The following ANKRD36 variants were observed in gnomAD, a reference collection of about 807,000 sequenced individuals.
ANKRD36 encodes the protein ankyrin repeat domain-containing protein 36A.
ANKRD36 carries 179 observed loss-of-function variants against 278.1 expected under a neutral mutation model. The ratio of observed to expected loss-of-function variants is 0.64; its 90% confidence interval spans 0.57 to 0.73. The LOEUF is 0.73. Among genes scored for constraint, ANKRD36 ranks in the 30% least tolerant of loss-of-function variants. ANKRD36 has a pLI of 0.00. For missense variants in ANKRD36, 1,159 were observed against 1,956.7 expected, an observed-to-expected ratio of 0.59 and a Z score of 7.69; for synonymous variants, 320 against 641.1, an observed-to-expected ratio of 0.50 and a Z score of 7.57.
Position 97,217,340 on chromosome 2 carries a change from C to G in ANKRD36, c.3743C>G (p.Thr1248Arg). ...KKKVSLLNIATRITGGWKSGT... is the reference protein window; with the variant it reads ...KKKVSLLNIARRITGGWKSGT... ...AAAGTTTCTCTTTTGAATATTGCCA[C>G]AAGAATAACAGGCGGTTGGAAATCT... The change falls in exon 64 of 76, where the codon ACA becomes AGA. Residue 1248 changes from threonine to arginine, a missense_variant. Transcript: ENST00000420699. The G allele has an allele frequency of 1.3e-6, 2 of 1,551,458 alleles. No homozygotes were observed. The highest frequency in any genetic ancestry group is 1.7e-6 in the Non-Finnish European group (2 of 1,148,572).
intron 5 of ANKRD36, among the ~76,000 whole-genome samples, chr2:97,124,900 T>C (rs1179756964): frequency 6.6e-6 from 1 of 151,920 alleles, no homozygotes; most frequent in Non-Finnish European, 1.5e-5. Context: ...ATAACCCCTA[T>C]GCATAGGGTA....
intron 15 of ANKRD36, 151 bp from the exon 16 acceptor site, chr2:97,157,956 T>C (rs929515351): frequency 3.0e-6 from 2 of 656,086 alleles, no homozygotes; most frequent in African/African-American, 3.7e-5. Flanking sequence ...CATGTGAATA[T>C]GTAGATAAGT....
chr2:97,200,149 G>A (rs1178734882), intron 44 of ANKRD36, among the ~76,000 whole-genome samples, 185 bp from the exon 45 acceptor site: 1 of 151,866 alleles, frequency 6.6e-6, no homozygotes, highest in Non-Finnish European at 1.5e-5. Context: ...GTATTTCACA[G>A]AGCCTGTGTT....
At chr2:97,208,544 C>G (rs866521249) in intron 54 of ANKRD36, among the ~76,000 whole-genome samples, 1 of 146,142 alleles carries the variant, frequency 6.8e-6, no homozygotes, top group African/African-American at 2.7e-5. Flanking sequence ...AGTGAACTCA[C>G]TTCAGATGCA....
chr2:97,210,438 A>T (rs2064128138), intron 56 of ANKRD36, among the ~76,000 whole-genome samples: 1 of 151,882 alleles, frequency 6.6e-6, no homozygotes, highest in Admixed American at 6.6e-5. Flanking sequence ...TATTTTCATT[A>T]AAAAATTTGA....
At chr2:97,154,181 A>G (rs1440723699) in intron 14 of ANKRD36, among the ~76,000 whole-genome samples, 1 of 146,334 alleles carries the variant, frequency 6.8e-6, no homozygotes, top group East Asian at 2.0e-4. Flanking sequence ...CATGCTGAAG[A>G]TCTAAGACTC....
chr2:97,242,380 C>T (rs1327602606), intron 69 of ANKRD36, among the ~76,000 whole-genome samples: 5 of 151,568 alleles, frequency 3.3e-5, no homozygotes, highest in African/African-American at 1.2e-4. Flanking sequence ...GCTTATTCAA[C>T]ATCTCTCTGC....
intron 11 of ANKRD36, 31 bp downstream of exon 11, chr2:97,146,547 T>C (rs2044307520): frequency 6.7e-7 from 1 of 1,485,630 alleles, no homozygotes; most frequent in African/African-American, 1.4e-5. Flanking sequence ...TAAAGTGATA[T>C]GTTAACTTAG....
intron 20 of ANKRD36, among the ~76,000 whole-genome samples, chr2:97,167,003 A>G (rs1394105163): frequency 6.6e-6 from 1 of 151,894 alleles, no homozygotes; most frequent in Non-Finnish European, 1.5e-5. Flanking sequence ...TGATGTTTCA[A>G]ATATTTTGGT....
At chr2:97,171,819 A>G (rs2052640544) in intron 22 of ANKRD36, among the ~76,000 whole-genome samples, 1 of 152,016 alleles carries the variant, frequency 6.6e-6, no homozygotes, top group African/African-American at 2.4e-5. Flanking sequence ...TAACCCTAGA[A>G]GAAAATCTAG....
At chr2:97,183,383 G>A in intron 26 of ANKRD36, 76 bp from the exon 27 acceptor site, 6 of 1,461,436 alleles carry the variant, frequency 4.1e-6, no homozygotes, top group Non-Finnish European at 5.5e-6. Flanking sequence ...ACAGCTTGAT[G>A]CTAACACTGC....
At chr2:97,202,743 C>T (rs2061738072) in intron 48 of ANKRD36, among the ~76,000 whole-genome samples, 1 of 151,768 alleles carries the variant, frequency 6.6e-6, no homozygotes. Context: ...ACAGACGTCA[C>T]ATCGTACTGC....
At chr2:97,234,892 T>C (rs1338431181) in intron 68 of ANKRD36, among the ~76,000 whole-genome samples, 12 of 132,468 alleles carry the variant, frequency 9.1e-5, no homozygotes, top group Non-Finnish European at 1.7e-4. Flanking sequence ...TGAATTTTAA[T>C]AATTCTGTAT....
At position 97,113,477 on chromosome 2, in the gene ANKRD36, A is replaced by C. The variant is rs1288100899; in HGVS notation, c.-263A>C. On this transcript the variant is annotated 5_prime_UTR_variant, in exon 1 of 76. Transcript: ENST00000420699. ...CCCCGCCCTCCCGCGGCACCTCCGC[A>C]GCAACCGCCGCCTGCACTGGGCGCG... The C allele has an allele frequency of 6.3e-5, 32 of 507,720 alleles. 1 individual carries two copies. The highest frequency in any genetic ancestry group is 1.0e-3 in the Middle Eastern group (2 of 1,924). The allele number at this position is 507,720 out of a possible 1,614,324, so 31.5% of individuals were successfully genotyped here.
At position 97,159,395 on chromosome 2, in the gene ANKRD36, T is replaced by A. The variant is rs534207822; in HGVS notation, c.1389+740T>A. On this transcript the variant is annotated intron_variant, in intron 17 of 75. Coordinates refer to ENST00000420699, the MANE Select transcript of ANKRD36 (RefSeq NM_001354587.1). ...TAGATTATATAGATGGATCAAATCA[T>A]CACACGTACACTGAAAATATATGCA... Among the ~76,000 whole-genome samples the A allele has an allele frequency of 2.0e-3, 297 of 152,196 alleles. 1 individual carries two copies. Among genetic ancestry groups the A allele is most frequent in the Non-Finnish European group, 3.6e-3 (245 of 68,004 alleles).
Position 97,208,901 on chromosome 2 carries a change from G to C in ANKRD36, c.3266-780G>C, listed in dbSNP as rs188278858. On this transcript the variant is annotated intron_variant, in intron 54 of 75. Coordinates refer to ENST00000420699, the MANE Select transcript of ANKRD36 (RefSeq NM_001354587.1). The stretch of plus-strand genomic sequence containing the variant: ...ATAGTCATTTTCAATGAATATTGCA[G>C]TGATTTCTGAATGAAAAGCTGATTA... Among the ~76,000 whole-genome samples the C allele has an allele frequency of 2.7e-5, 4 of 146,832 alleles. 1 individual carries two copies. In the East Asian group the frequency reaches 7.9e-4, roughly 29 times the overall value.
intron 28 of ANKRD36, 99 bp from the exon 29 acceptor site, chr2:97,185,217 C>T (rs1203172336): frequency 1.4e-6 from 2 of 1,470,568 alleles, no homozygotes; most frequent in Non-Finnish European, 9.4e-7. Flanking sequence ...TATACTAATA[C>T]AGGCAGGAGC....
At chr2:97,182,815 C>G (rs1013283824) in intron 26 of ANKRD36, among the ~76,000 whole-genome samples, 1 of 151,486 alleles carries the variant, frequency 6.6e-6, no homozygotes, top group African/African-American at 2.4e-5. Context: ...GGATGAAGAA[C>G]CTTTCTGTAG....
intron 54 of ANKRD36, among the ~76,000 whole-genome samples, chr2:97,209,422 T>C (rs1184898292): frequency 6.8e-6 from 1 of 146,618 alleles, no homozygotes; most frequent in South Asian, 2.1e-4. Flanking sequence ...CACATTGAGA[T>C]TGACACGGTT....
Sources: gnomAD v4.1 joint callset for allele counts (sites outside exome capture counted in the v4.1 genomes callset) on GRCh38, gnomAD v4.1.1 for gene constraint, MANE v1.5 for transcripts, NCBI Gene and HGNC (gene_info 2026-07-23, HGNC 2026-07-21) for gene names.